Variants in MCPH1 observed in about 807,000 individuals in gnomAD.
The protein encoded by MCPH1 is microcephalin 1, also known as microcephalin.
In MCPH1, 104 loss-of-function variants were observed where a neutral mutation model predicts 84.5. The ratio of observed to expected loss-of-function variants is 1.23; its 90% CI spans 1.05 to 1.45. The LOEUF is 1.45. Ranked by LOEUF, MCPH1 falls within the 40% of genes most tolerant of loss-of-function variation. The probability of loss-of-function intolerance (pLI) is 0.00; values close to 1 mark genes in which losing one functional copy is unlikely to be tolerated. For synonymous variants in MCPH1, 514 were observed against 366.8 expected (o/e 1.40, Z -4.58); for missense variants, 1,498 against 1,005.7 (o/e 1.49, Z -6.62).
intron 11 of MCPH1, among the ~76,000 whole-genome samples, chr8:6,486,266 C>CTT (rs1174916191): frequency 2.0e-5 from 2 of 100,924 alleles, no homozygotes; most frequent in African/African-American, 7.3e-5. Flanking sequence ...CAAGGAATCT[C>CTT]TCTCTCTCTC....
At chr8:6,539,072 C>G (rs13270776) in intron 12 of MCPH1, among the ~76,000 whole-genome samples, 3 of 152,076 alleles carry the variant, frequency 2.0e-5, no homozygotes, top group African/African-American at 2.4e-5. Context: ...ATTTTGCTGC[C>G]TAAGCAGCTG....
At chr8:6,597,642 C>T (rs573635861) in intron 12 of MCPH1, among the ~76,000 whole-genome samples, 3 of 152,234 alleles carry the variant, frequency 2.0e-5, no homozygotes, top group Admixed American at 6.5e-5. Context: ...AGGGAGGGCT[C>T]AGCGCTAGGA....
At chr8:6,556,580 G>C (rs2129575400) in intron 12 of MCPH1, among the ~76,000 whole-genome samples, 1 of 152,038 alleles carries the variant, frequency 6.6e-6, no homozygotes, top group South Asian at 2.1e-4. Context: ...AAAGCATAGT[G>C]TCCCCCTGGG....
At chr8:6,419,585 G>C (rs1055439157) in intron 3 of MCPH1, among the ~76,000 whole-genome samples, 5 of 147,014 alleles carry the variant, frequency 3.4e-5, no homozygotes, top group Non-Finnish European at 6.0e-5. Flanking sequence ...TGTATTTTTA[G>C]TAGAGATGGG....
chr8:6,455,166 C>T lies in MCPH1; in HGVS notation c.1849C>T (p.His617Tyr), dbSNP rs764861033. 2 of 1,613,918 alleles carry T rather than the reference C, an allele frequency of 1.2e-6. No individual in the cohort carries two copies. The highest frequency in any genetic ancestry group is 1.1e-5 in the South Asian group (1 of 91,078). ...AGGTGTTAAAAATAGACCAACAAGG[C>T]ATGATGTTTTAGATGACTCATGTGA... ...SGSVKNRPTR[H>Y]DVLDDSCDGF... is the part of the protein sequence containing the mutation. The change falls in exon 9 of 14, where the codon CAT becomes TAT. Residue 617 changes from histidine (H) to tyrosine (Y), a missense_variant. Coordinates refer to ENST00000344683, the MANE Select transcript of MCPH1 (RefSeq NM_024596.5).
chr8:6,596,159 C>T (rs1828910167), intron 12 of MCPH1, among the ~76,000 whole-genome samples: 1 of 152,156 alleles, frequency 6.6e-6, no homozygotes, highest in Admixed American at 6.5e-5. Flanking sequence ...ACACATCTTC[C>T]ATGGACATGA....
chr8:6,598,687 A>G (rs1829119139), intron 12 of MCPH1, among the ~76,000 whole-genome samples: 2 of 152,192 alleles, frequency 1.3e-5, no homozygotes, highest in Non-Finnish European at 2.9e-5. Flanking sequence ...CGGCTTCACG[A>G]CAGGCGTGAG....
At chr8:6,552,846 A>C (rs1823896096) in intron 12 of MCPH1, among the ~76,000 whole-genome samples, 1 of 152,058 alleles carries the variant, frequency 6.6e-6, no homozygotes, top group Non-Finnish European at 1.5e-5. Flanking sequence ...CATTAAGTGA[A>C]AGAAGCCAGT....
intron 11 of MCPH1, among the ~76,000 whole-genome samples, chr8:6,497,666 C>T (rs1364741844): frequency 6.6e-6 from 1 of 152,196 alleles, no homozygotes; most frequent in East Asian, 1.9e-4. Context: ...GGGTACAACA[C>T]ATGTAGCACT....
chr8:6,618,719 T>A (rs1471358127), intron 12 of MCPH1: 2 of 152,158 alleles, frequency 1.3e-5, no homozygotes, highest in Non-Finnish European at 2.9e-5. Context: ...ATTATTATTA[T>A]TAGGATATTT....
At chr8:6,556,113 G>T (rs148654871) in intron 12 of MCPH1, among the ~76,000 whole-genome samples, 10 of 152,074 alleles carry the variant, frequency 6.6e-5, no homozygotes, top group African/African-American at 2.2e-4. Context: ...CTAACCAAGG[G>T]TGTCAACCAG....
At chr8:6,532,615 GCCTT>G in intron 12 of MCPH1, 1 of 673,690 alleles carries the variant, frequency 1.5e-6, no homozygotes, top group South Asian at 4.1e-5. Flanking sequence ...CTTGTACCTT[GCCTT>G]CCTTTTGGAA....
At chr8:6,512,080 C>G (rs1483891967) in intron 12 of MCPH1, among the ~76,000 whole-genome samples, 1 of 152,064 alleles carries the variant, frequency 6.6e-6, no homozygotes, top group African/African-American at 2.4e-5. Flanking sequence ...TCTCATTCAT[C>G]TCGGTTGTTG....
intron 12 of MCPH1, chr8:6,521,374 C>A (rs1393795288): frequency 6.2e-7 from 1 of 1,613,434 alleles, no homozygotes; most frequent in African/African-American, 1.3e-5. Flanking sequence ...GGATGATGTG[C>A]TTGTCTTCCA....
At chr8:6,494,574 C>A (rs956653395) in intron 11 of MCPH1, 2 of 152,180 alleles carry the variant, frequency 1.3e-5, no homozygotes, top group Admixed American at 6.5e-5. Flanking sequence ...ATTTTTGACG[C>A]TGATCACTAG....
intron 12 of MCPH1, chr8:6,562,578 T>TTTTTA: frequency 1.1e-6 from 1 of 880,188 alleles, no homozygotes; most frequent in South Asian, 4.3e-5. Context: ...TTTTGGTTGT[T>TTTTTA]AAAACCTGAG....
At chr8:6,493,294 C>A (rs1240215352) in intron 11 of MCPH1, among the ~76,000 whole-genome samples, 1 of 152,034 alleles carries the variant, frequency 6.6e-6, no homozygotes, top group Non-Finnish European at 1.5e-5. Context: ...TTTTTGAAAA[C>A]TGGAAAGGAT....
chr8:6,509,626 A>T (rs540529504), intron 12 of MCPH1, among the ~76,000 whole-genome samples: 1 of 152,364 alleles, frequency 6.6e-6, no homozygotes, highest in South Asian at 2.1e-4. Context: ...TGAGAAAGGA[A>T]CAAATGTCGG....
Position 6,439,053 on chromosome 8 carries a change from A to T in MCPH1, c.537A>T (p.Arg179Ser). 1 of 1,613,572 alleles carries T rather than the reference A, an allele frequency of 6.2e-7. No homozygotes were observed. Among genetic ancestry groups the T allele is most frequent in the Non-Finnish European group, 8.5e-7 (1 of 1,179,820 alleles). The stretch of plus-strand genomic sequence containing the variant: ...GGCACCACAGCGCAATGGAGAAGAG[A>T]TTACAAGAGATGAAGGAGAAAAGGG... ...NSRHHSAMEK[R>S]LQEMKEKREN... Residue 179 changes from arginine to serine, a missense_variant, in exon 6 of 14, where the codon AGA (arginine) becomes AGT (serine). Transcript: ENST00000344683.
Sources: allele counts gnomAD v4.1 joint callset (sites outside exome capture counted in the v4.1 genomes callset), GRCh38; gene constraint gnomAD v4.1.1; transcripts MANE v1.5; gene names NCBI Gene and HGNC (gene_info 2026-07-23, HGNC 2026-07-21).